PTPN7: variants seen among roughly 807,000 people sequenced by gnomAD.
PTPN7 encodes tyrosine-protein phosphatase non-receptor type 7.
A neutral mutation model predicts 50.3 loss-of-function variants in PTPN7; 33 were observed. The observed-to-expected ratio is 0.66, with a 90% CI of 0.50 to 0.88. The LOEUF (loss-of-function observed/expected upper bound fraction) is 0.88. Among genes scored for constraint, PTPN7 ranks in the 40% least tolerant of loss-of-function variants. The pLI is 0.00. For synonymous variants in PTPN7, 185 were observed against 186.6 expected (o/e 0.99, Z 0.07); for missense variants, 412 against 475.4 (o/e 0.87, Z 1.24).
At chr1:202,154,161 C>G (rs757052360) in intron 6 of PTPN7, 25 bp downstream of exon 6, 11 of 1,613,488 alleles carry the variant, frequency 6.8e-6, no homozygotes, top group Admixed American at 1.7e-5. Context: ...CTGGGTTCAT[C>G]ATGAACTGTG....
chr1:202,158,391 T>C (rs1010286264), intron 2 of PTPN7, 90 bp from the exon 3 acceptor site: 5 of 1,384,028 alleles, frequency 3.6e-6, no homozygotes, highest in East Asian at 4.9e-5. Context: ...ATAGGGTCTC[T>C]CTCTGTTGCC....
rs551609824 is a variant in PTPN7, at chr1:202,159,917, C to T, written c.-52-463G>A. 1 of 1,010,420 alleles carries T rather than the reference C, an allele frequency of 9.9e-7. No individual in the cohort carries two copies. The highest frequency in any genetic ancestry group is 1.7e-5 in the African/African-American group (1 of 58,094). The allele number at this position is 1,010,420 out of a possible 1,614,324, so 62.6% of individuals were successfully genotyped here. ...GCAGTGTTGGAGCTGGTTGGGCAGC[C>T]AGGCAGGCGGGCTCCTGGACCCCAG... On this transcript the variant is annotated intron_variant, in intron 1 of 9. Transcript: ENST00000691036. The surrounding 1 kb of genome is among the most constrained non-coding windows in gnomAD (Gnocchi z 4.6).
intron 9 of PTPN7, 55 bp downstream of exon 9, chr1:202,150,256 A>G: frequency 1.4e-6 from 2 of 1,387,300 alleles, no homozygotes; most frequent in Non-Finnish European, 2.0e-6. Context: ...TGGGGCCCAG[A>G]GGCACTGATG....
chr1:202,152,716 G>T lies in PTPN7; in HGVS notation c.718-17C>A, dbSNP rs199857057. On this transcript the variant is annotated splice_polypyrimidine_tract_variant and intron_variant, in intron 7 of 9. Transcript: ENST00000691036. ...TTCCTGGTACTGGATTGGAGACAAGGCATGAGAACCAAGGTCAGGGTGGAG... is the reference window on the plus strand; with the variant it reads ...TTCCTGGTACTGGATTGGAGACAAGTCATGAGAACCAAGGTCAGGGTGGAG... 6 of 1,613,168 alleles carry T rather than the reference G, an allele frequency of 3.7e-6. No individual in the cohort carries two copies. The highest frequency in any genetic ancestry group is 1.1e-5 in the South Asian group (1 of 91,036).
At chr1:202,154,155 G>A in intron 6 of PTPN7, 31 bp downstream of exon 6, 1 of 1,613,194 alleles carries the variant, frequency 6.2e-7, no homozygotes, top group Non-Finnish European at 8.5e-7. Context: ...CACTTTCTGG[G>A]TTCATCATGA....
rs1657202139 is a variant in PTPN7 at position 202,160,151 on chromosome 1, G to A, written c.-53+394C>T. 2.6e-5 allele frequency among the ~76,000 whole-genome samples: 4 copies of A among 152,148 alleles called. No individual in the cohort carries two copies. Among genetic ancestry groups the A allele is most frequent in the Admixed American group, 1.3e-4 (2 of 15,286 alleles). On this transcript the variant is annotated intron_variant, in intron 1 of 9. Coordinates refer to ENST00000691036, the MANE Select transcript of PTPN7 (RefSeq NM_002832.4). This position sits in a 1 kb window ranked among gnomAD's most constrained non-coding sequence, Gnocchi z 4.8. ...GCGACAGCTGGGGGCAAGACAGGAG[G>A]CATGGAGGTGGTGGGACCATCTCCT...
At position 202,159,494 on chromosome 1, in the gene PTPN7, C is replaced by T. The variant is rs1362737510; in HGVS notation, c.-52-40G>A. The T allele has an allele frequency of 6.3e-7, 1 of 1,588,290 alleles. No homozygotes were observed. The highest frequency in any genetic ancestry group is 1.1e-5 in the South Asian group (1 of 89,932). On this transcript the variant is annotated intron_variant, in intron 1 of 9. Transcript: ENST00000691036. The surrounding 1 kb of genome is among the most constrained non-coding windows in gnomAD (Gnocchi z 4.6). ...CCTCCGCTGCTGTTCTCTGGCCTGC[C>T]TGATTGGCCAGAAGGAGGCTCCCAT...
At position 202,150,371 on chromosome 1, in the gene PTPN7, T is replaced by C. The variant is rs377181296; in HGVS notation, c.929A>G (p.Gln310Arg). 6 of 1,612,972 alleles carry C rather than the reference T, an allele frequency of 3.7e-6. No individual in the cohort carries two copies. The highest frequency in any genetic ancestry group is 4.2e-6 in the Non-Finnish European group (5 of 1,179,572). ...CFIATRIGCQ[Q>R]LKARGEVDIL... ...GTCCACTTCTCCTCGGGCTTTCAGC[T>C]GTTGACAGCCAATTCGCGTGGCGAT... is the stretch of plus-strand genomic sequence containing the variant. The change falls in exon 9 of 10, where the codon CAG (glutamine) becomes CGG (arginine). Residue 310 changes from glutamine (Q) to arginine (R), a missense_variant. Transcript: ENST00000691036.
intron 9 of PTPN7, 87 bp from the exon 10 acceptor site, chr1:202,148,786 T>G (rs1655604782): frequency 2.8e-6 from 3 of 1,086,972 alleles, no homozygotes; most frequent in Non-Finnish European, 4.0e-6. Flanking sequence ...GTGGTCCTAC[T>G]GGGAAAGTCC....
rs780946522 is a variant in PTPN7 at position 202,148,253 on chromosome 1, A to T, written c.*353T>A. 37 of 197,244 alleles carry T rather than the reference A, an allele frequency of 1.9e-4. No individual in the cohort carries two copies. The highest frequency in any genetic ancestry group is 3.5e-4 in the Non-Finnish European group (34 of 97,874). The allele number at this position is 197,244 out of a possible 1,614,324, so 12.2% of individuals were successfully genotyped here. ...ACTTATGTTCATGTTATAGAACAGGAAACTGAAGCTCACAAAGAGTGTCTC... is the reference window on the plus strand; with the variant it reads ...ACTTATGTTCATGTTATAGAACAGGTAACTGAAGCTCACAAAGAGTGTCTC... On this transcript the variant is annotated 3_prime_UTR_variant, in exon 10 of 10. Transcript: ENST00000691036.
chr1:202,157,215 T>C (rs1656760998), intron 4 of PTPN7, among the ~76,000 whole-genome samples: 1 of 152,162 alleles, frequency 6.6e-6, no homozygotes, highest in South Asian at 2.1e-4. Context: ...AATGAGTGAA[T>C]ATAAAGGATT....
rs1656323636 is a variant in PTPN7 at position 202,153,783 on chromosome 1, A to T, written c.659T>A (p.Ile220Asn). ...TEEETYGPFQ[I>N]RIQDMKECPE... ...GCACTCTTTCATGTCCTGGATGCGG[A>T]TCTGGAAGGGTCCATAGGTTTCCTC... is the stretch of plus-strand genomic sequence containing the variant. Residue 220 changes from isoleucine (I) to asparagine (N), a missense_variant, in exon 7 of 10, where the codon ATC (isoleucine) becomes AAC (asparagine). Transcript: ENST00000691036. 6.2e-7 allele frequency: 1 copy of T among 1,614,048 alleles called. No individual in the cohort carries two copies. The highest frequency in any genetic ancestry group is 8.5e-7 in the Non-Finnish European group (1 of 1,180,002).
Position 202,154,308 on chromosome 1 carries a change from C to T in PTPN7, c.484G>A (p.Glu162Lys). ...ANYIRGYDGK[E>K]KVYIATQGPM... ...CCCTGGGTGGCAATGTAGACCTTCT[C>T]CTTCCCGTCATAGCCCTGGAAGGTG... The change falls in exon 6 of 10, where the codon GAG becomes AAG. Residue 162 changes from glutamate (E) to lysine (K), a missense_variant. By Grantham distance (56) the Glu-to-Lys change is moderately conservative (BLOSUM62 1). Transcript: ENST00000691036. The T allele has an allele frequency of 6.2e-7, 1 of 1,613,310 alleles. No homozygotes were observed. Among genetic ancestry groups the T allele is most frequent in the African/African-American group, 1.3e-5 (1 of 75,046 alleles).
In PTPN7 at chr1:202,160,598, G is replaced by A. The variant is rs772942204; in HGVS notation, c.-106C>T. ...CTTGCCAGCTGTCTGTCTGTCTGTC[G>A]GTCTGTCTTTGAGGGCTGAGAAGGC... On this transcript the variant is annotated 5_prime_UTR_variant, in exon 1 of 10. Transcript: ENST00000691036. This position sits in a 1 kb window ranked among gnomAD's most constrained non-coding sequence, Gnocchi z 4.8. 97 of 1,550,338 alleles carry A rather than the reference G, an allele frequency of 6.3e-5. No individual in the cohort carries two copies. Among genetic ancestry groups the A allele is most frequent in the Middle Eastern group, 1.7e-4 (1 of 6,014 alleles).
At chr1:202,157,972 G>A in intron 3 of PTPN7, 146 bp downstream of exon 3, 1 of 1,240,130 alleles carries the variant, frequency 8.1e-7, no homozygotes, top group South Asian at 1.5e-5. Flanking sequence ...GGAAGCCTGG[G>A]GGCAGCCCCT....
Position 202,155,609 on chromosome 1 carries a change from T to G in PTPN7, c.392A>C (p.Asn131Thr). ...SKDRYKTILP[N>T]PQSRVCLGRA... ...GCCTAGACAGACACGGCTCTGGGGA[T>G]CTAGGAAATAAAAATCAGCAGAGGT... is the stretch of plus-strand genomic sequence containing the variant. Residue 131 changes from asparagine to threonine, a missense_variant and splice_region_variant, in exon 5 of 10, where the codon AAT (asparagine) becomes ACT (threonine). Physicochemically the swap from Asn to Thr is moderately conservative, Grantham distance 65. Coordinates refer to ENST00000691036, the MANE Select transcript of PTPN7 (RefSeq NM_002832.4). The G allele has an allele frequency of 6.4e-7, 1 of 1,555,844 alleles. No homozygotes were observed. Among genetic ancestry groups the G allele is most frequent in the Non-Finnish European group, 8.9e-7 (1 of 1,127,358 alleles).
intron 9 of PTPN7, 93 bp downstream of exon 9, chr1:202,150,218 C>T: frequency 1.1e-6 from 1 of 950,328 alleles, no homozygotes; most frequent in South Asian, 1.4e-5. Flanking sequence ...TGCAGGAGTG[C>T]TTGATGGTGA....
At chr1:202,152,369 G>C (rs1280994848) in intron 8 of PTPN7, among the ~76,000 whole-genome samples, 173 bp downstream of exon 8, 1 of 152,240 alleles carries the variant, frequency 6.6e-6, no homozygotes, top group Non-Finnish European at 1.5e-5. Context: ...TCTGGGTTCT[G>C]CGTGAAGGAG....
At chr1:202,157,968 C>G (rs909810308) in intron 3 of PTPN7, 145 bp from the exon 4 acceptor site, 13 of 1,245,628 alleles carry the variant, frequency 1.0e-5, no homozygotes, top group Non-Finnish European at 1.5e-5. Context: ...AAGGGGAAGC[C>G]TGGGGGCAGC....
Sources: gnomAD v4.1 joint callset for allele counts (sites outside exome capture counted in the v4.1 genomes callset) on GRCh38, gnomAD v4.1.1 for gene constraint, Gnocchi (gnomAD v3.1) non-coding constraint, MANE v1.5 for transcripts, NCBI Gene and HGNC (gene_info 2026-07-23, HGNC 2026-07-21) for gene names.